IQSEC3: variants seen among roughly 807,000 people sequenced by gnomAD.
IQSEC3 encodes IQ motif and Sec7 domain ArfGEF 3, also known as IQ motif and SEC7 domain-containing protein 3.
IQSEC3 carries 50 observed loss-of-function variants against 105.4 expected under a neutral mutation model. That is an observed-to-expected ratio of 0.47 (90% CI 0.38 to 0.60). The LOEUF is 0.60. IQSEC3 is among the 20% of genes least tolerant of loss of function. The pLI is 0.00. For synonymous variants in IQSEC3, 708 were observed against 746.0 expected, an observed-to-expected ratio of 0.95 and a Z score of 0.83; for missense variants, 1,415 against 1,630.0, an observed-to-expected ratio of 0.87 and a Z score of 2.27.
At chr12:173,994 ACT>A (rs1052228594) in intron 13 of IQSEC3, among the ~76,000 whole-genome samples, 9 of 152,100 alleles carry the variant, frequency 5.9e-5, no homozygotes, top group Admixed American at 6.5e-5. Context: ...TGGGGAGCTG[ACT>A]CTGCCCTCGG....
chr12:165,651 C>A, intron 10 of IQSEC3, 78 bp from the exon 11 acceptor site: 1 of 1,586,404 alleles, frequency 6.3e-7, no homozygotes, highest in Non-Finnish European at 8.6e-7. Flanking sequence ...GACCCCGTGC[C>A]CTCCTCATGT....
chr12:153,348 A>C (rs554577703), intron 5 of IQSEC3, among the ~76,000 whole-genome samples: 71 of 152,276 alleles, frequency 4.7e-4, no homozygotes, highest in African/African-American at 1.5e-3. Flanking sequence ...CCAGCCAGCC[A>C]GGAGTGCTGC....
intron 5 of IQSEC3, among the ~76,000 whole-genome samples, chr12:156,371 G>A (rs533265405): frequency 1.3e-5 from 2 of 152,310 alleles, no homozygotes; most frequent in Non-Finnish European, 1.5e-5. Flanking sequence ...CTGACCCTGC[G>A]TGTCACGCTG....
intron 1 of IQSEC3, among the ~76,000 whole-genome samples, chr12:81,992 T>C (rs553801077): frequency 1.3e-5 from 2 of 152,196 alleles, no homozygotes; most frequent in East Asian, 3.9e-4. Flanking sequence ...AAGCATAGTC[T>C]TGGGAGTGGA....
intron 1 of IQSEC3, among the ~76,000 whole-genome samples, chr12:79,747 C>G (rs1169494630): frequency 6.6e-6 from 1 of 152,132 alleles, no homozygotes; most frequent in African/African-American, 2.4e-5. Context: ...GTACAAGATT[C>G]AAAAGAAAAG....
chr12:82,703 G>A lies in IQSEC3; in HGVS notation c.554+15267G>A, dbSNP rs150160204. ...TTAAGCACTTTACAAACTTTCTCTCGATGTGTCCTAATAACACCTTCCCGA... is the reference window on the plus strand; with the variant it reads ...TTAAGCACTTTACAAACTTTCTCTCAATGTGTCCTAATAACACCTTCCCGA... On this transcript the variant is annotated intron_variant, in intron 1 of 13. Transcript: ENST00000538872. Among the ~76,000 whole-genome samples, 30 of 152,230 alleles carry A rather than the reference G, an allele frequency of 2.0e-4. No homozygotes were observed. In the East Asian group the frequency reaches 3.3e-3, roughly 17 times the overall value.
At chr12:115,100 G>A (rs1865008149) in intron 2 of IQSEC3, among the ~76,000 whole-genome samples, 1 of 152,192 alleles carries the variant, frequency 6.6e-6, no homozygotes. Context: ...CTTGCTCCCT[G>A]GTAACTAGCT....
intron 2 of IQSEC3, among the ~76,000 whole-genome samples, chr12:115,263 T>A (rs1240854555): frequency 6.6e-6 from 1 of 152,076 alleles, no homozygotes; most frequent in Non-Finnish European, 1.5e-5. Context: ...CTTGGGCCTG[T>A]GAGGAGCTGT....
intron 1 of IQSEC3, among the ~76,000 whole-genome samples, chr12:87,119 T>G (rs1262214982): frequency 6.6e-6 from 1 of 152,058 alleles, no homozygotes; most frequent in East Asian, 1.9e-4. Context: ...CTCAGAAATC[T>G]GTAGTTTTGG....
chr12:146,544 G>T (rs1381251226), intron 5 of IQSEC3, among the ~76,000 whole-genome samples: 1 of 152,218 alleles, frequency 6.6e-6, no homozygotes, highest in African/African-American at 2.4e-5. Context: ...TACTCGGGAG[G>T]CCAAGGCAGG....
intron 1 of IQSEC3, among the ~76,000 whole-genome samples, chr12:73,293 C>T (rs1296638045): frequency 6.6e-6 from 1 of 152,236 alleles, no homozygotes; most frequent in Non-Finnish European, 1.5e-5. Context: ...TTCTTTTAGC[C>T]TCTGTTTTTC....
At chr12:174,480 A>C in intron 13 of IQSEC3, 119 bp from the exon 14 acceptor site, 2 of 906,766 alleles carry the variant, frequency 2.2e-6, no homozygotes, top group South Asian at 4.2e-5. Flanking sequence ...AGATGGCGAG[A>C]GGGTCAGAGT....
At chr12:101,222 C>T (rs782232342) in intron 2 of IQSEC3, among the ~76,000 whole-genome samples, 7 of 152,312 alleles carry the variant, frequency 4.6e-5, no homozygotes, top group Non-Finnish European at 1.0e-4. Context: ...CTGCCTGTGT[C>T]GTGCCCACCT....
At chr12:114,400 T>C (rs917523288) in intron 2 of IQSEC3, among the ~76,000 whole-genome samples, 28 of 152,184 alleles carry the variant, frequency 1.8e-4, no homozygotes, top group African/African-American at 6.3e-4. Flanking sequence ...TCCCATGGGA[T>C]AGCAGGTGTT....
In IQSEC3 at chr12:141,105, T is replaced by TCCCCCCCC; in HGVS notation, c.1992-15_1992-14insCCCCCCCC. 3.2e-6 allele frequency: 5 copies of TCCCCCCCC among 1,577,992 alleles called. No individual in the cohort carries two copies. Among genetic ancestry groups the TCCCCCCCC allele is most frequent in the Admixed American group, 3.4e-5 (2 of 59,108 alleles). On this transcript the variant is annotated intron_variant, in intron 4 of 13. Coordinates refer to ENST00000538872, the MANE Select transcript of IQSEC3 (RefSeq NM_001170738.2). ...GCTTCAGCTCACTCTCTACTGCTTC[T>TCCCCCCCC]CCCCACCCCCACCTCCAGAAACCCC...
intron 1 of IQSEC3, among the ~76,000 whole-genome samples, chr12:88,416 C>T (rs1555072613): frequency 6.6e-6 from 1 of 152,212 alleles, no homozygotes; most frequent in East Asian, 1.9e-4. Flanking sequence ...GGGCAGGTCA[C>T]TGTTTTCCTA....
chr12:125,150 A>G (rs1278795119), intron 2 of IQSEC3, among the ~76,000 whole-genome samples: 1 of 152,198 alleles, frequency 6.6e-6, no homozygotes, highest in Non-Finnish European at 1.5e-5. Flanking sequence ...CGGGCCACCG[A>G]TACTTACAAT....
At chr12:157,474 CG>C in intron 6 of IQSEC3, 53 bp from the exon 7 acceptor site, 2 of 753,908 alleles carry the variant, frequency 2.7e-6, no homozygotes, top group Non-Finnish European at 3.6e-6. Context: ...TTGTTGGGCC[CG>C]GGGGAGGGTG....
chr12:90,773 T>C (rs1396560604), intron 1 of IQSEC3, among the ~76,000 whole-genome samples: 1 of 152,208 alleles, frequency 6.6e-6, no homozygotes, highest in South Asian at 2.1e-4. Flanking sequence ...CTTGTTCTTG[T>C]TTTTCAAAGT....
Sources: gnomAD v4.1 joint callset for allele counts (sites outside exome capture counted in the v4.1 genomes callset) on GRCh38, gnomAD v4.1.1 for gene constraint, MANE v1.5 for transcripts, NCBI Gene and HGNC (gene_info 2026-07-23, HGNC 2026-07-21) for gene names.